AVEN: variants seen among roughly 807,000 people sequenced by gnomAD.
AVEN encodes cell death regulator Aven.
A neutral mutation model predicts 38.1 loss-of-function variants in AVEN; 41 were observed. The observed-to-expected ratio is 1.08, with a 90% confidence interval of 0.84 to 1.40. The LOEUF is 1.40. Ranked by LOEUF, AVEN falls within the 40% of genes most tolerant of loss-of-function variation. The pLI, the probability that AVEN is intolerant of heterozygous loss-of-function variation, is 0.00. For missense variants in AVEN, 605 were observed against 438.8 expected, an observed-to-expected ratio of 1.38 and a Z score of -3.38; for synonymous variants, 206 against 171.8, an observed-to-expected ratio of 1.20 and a Z score of -1.56.
intron 1 of AVEN, among the ~76,000 whole-genome samples, chr15:34,029,041 C>T (rs1380899209): frequency 6.6e-6 from 1 of 152,104 alleles, no homozygotes; most frequent in Admixed American, 6.6e-5. Flanking sequence ...AACTCTTCAC[C>T]TCTAATCCTC....
chr15:34,058,696 C>T (rs1047706685), intron 5 of AVEN, among the ~76,000 whole-genome samples: 1 of 152,100 alleles, frequency 6.6e-6, no homozygotes, highest in Non-Finnish European at 1.5e-5. Flanking sequence ...TTCAGGCCTT[C>T]TCTGCCTATA....
chr15:33,872,321 G>C (rs977339412), intron 3 of AVEN, among the ~76,000 whole-genome samples: 1 of 152,100 alleles, frequency 6.6e-6, no homozygotes, highest in African/African-American at 2.4e-5. Context: ...CTGTATAAAG[G>C]CACACTCTTT....
At chr15:33,975,852 C>A (rs1167484679) in intron 2 of AVEN, among the ~76,000 whole-genome samples, 1 of 152,192 alleles carries the variant, frequency 6.6e-6, no homozygotes, top group Non-Finnish European at 1.5e-5. Flanking sequence ...ATCCCTTGAA[C>A]CCGGGCAGCG....
chr15:33,941,420 A>G (rs1334126975), intron 2 of AVEN, among the ~76,000 whole-genome samples: 1 of 152,152 alleles, frequency 6.6e-6, no homozygotes, highest in African/African-American at 2.4e-5. Flanking sequence ...TTTCCTCCTG[A>G]CACACGCAAC....
intron 2 of AVEN, among the ~76,000 whole-genome samples, chr15:33,998,848 G>A (rs1206185455): frequency 2.0e-5 from 3 of 152,138 alleles, no homozygotes; most frequent in Non-Finnish European, 4.4e-5. Context: ...ACACTGTGGT[G>A]CCTGGGAATC....
chr15:33,865,271 A>ATGAAATAAAGTCCCCTTT, downstream of AVEN: 1 of 1,416,694 alleles, frequency 7.1e-7, no homozygotes, highest in Non-Finnish European at 9.9e-7. Flanking sequence ...TCAACTTCCC[A>ATGAAATAAAGTCCCCTTT]TGAAATAAAG....
chr15:33,901,110 C>T (rs926202047), intron 2 of AVEN, among the ~76,000 whole-genome samples: 1 of 152,112 alleles, frequency 6.6e-6, no homozygotes, highest in African/African-American at 2.4e-5. Context: ...ACTAAAAATA[C>T]AAAAAACTTG....
chr15:34,044,453 T>C (rs557947897), intron 5 of AVEN, among the ~76,000 whole-genome samples: 1 of 152,218 alleles, frequency 6.6e-6, no homozygotes, highest in Non-Finnish European at 1.5e-5. Flanking sequence ...TAAAGATATA[T>C]ATAATCCTTG....
At chr15:34,042,398 T>G (rs1380375763), upstream of AVEN, among the ~76,000 whole-genome samples, 4 of 136,978 alleles carry the variant, frequency 2.9e-5, no homozygotes, top group Non-Finnish European at 4.5e-5. Context: ...TGACCTAAGT[T>G]TTTTTTTTTT....
At chr15:34,008,948 G>A (rs954106258) in intron 1 of AVEN, among the ~76,000 whole-genome samples, 11 of 17,926 alleles carry the variant, frequency 6.1e-4, no homozygotes, top group Admixed American at 3.4e-3. Flanking sequence ...TCACACGTGC[G>A]CGCGCGCACA....
intron 5 of AVEN, among the ~76,000 whole-genome samples, chr15:34,059,910 A>C (rs1490613128): frequency 6.6e-6 from 1 of 152,252 alleles, no homozygotes; most frequent in Non-Finnish European, 1.5e-5. Flanking sequence ...CAGAGACATT[A>C]GCCTATTCCA....
intron 2 of AVEN, among the ~76,000 whole-genome samples, chr15:33,892,405 A>G (rs906744273): frequency 1.1e-4 from 16 of 152,306 alleles, no homozygotes; most frequent in Non-Finnish European, 1.6e-4. Context: ...ATTTCTGTAT[A>G]AAGTGTAAGG....
At chr15:34,006,332 G>C (rs1016285238) in intron 1 of AVEN, among the ~76,000 whole-genome samples, 3 of 150,688 alleles carry the variant, frequency 2.0e-5, no homozygotes, top group African/African-American at 4.9e-5. Context: ...AAACAGCCTT[G>C]TAACTGATGA....
At chr15:33,927,543 CTGAT>C (rs1016248090) in intron 2 of AVEN, among the ~76,000 whole-genome samples, 1 of 152,088 alleles carries the variant, frequency 6.6e-6, no homozygotes, top group Non-Finnish European at 1.5e-5. Context: ...AAGATACAGA[CTGAT>C]TGGAGGTAAT....
At chr15:34,004,030 G>A (rs1897236920) in intron 1 of AVEN, among the ~76,000 whole-genome samples, 1 of 152,164 alleles carries the variant, frequency 6.6e-6, no homozygotes, top group South Asian at 2.1e-4. Context: ...TACTCTCTTA[G>A]CACTCTCCAG....
At chr15:33,887,480 CCTTT>C (rs1298711582) in intron 2 of AVEN, among the ~76,000 whole-genome samples, 1 of 152,114 alleles carries the variant, frequency 6.6e-6, no homozygotes, top group Non-Finnish European at 1.5e-5. Flanking sequence ...TTGTTTACTA[CCTTT>C]CTAGGGGAAA....
intron 1 of AVEN, among the ~76,000 whole-genome samples, chr15:34,023,212 C>T (rs1244860935): frequency 6.6e-6 from 1 of 152,020 alleles, no homozygotes; most frequent in Non-Finnish European, 1.5e-5. Context: ...CAATGAGAAA[C>T]TTACCCCTCT....
At chr15:34,054,317 C>A (rs554910996) in intron 5 of AVEN, among the ~76,000 whole-genome samples, 1 of 152,154 alleles carries the variant, frequency 6.6e-6, no homozygotes, top group Non-Finnish European at 1.5e-5. Flanking sequence ...ACCTAGTAAT[C>A]TCATTACTGA....
At chr15:33,900,978 T>G (rs1000769601) in intron 2 of AVEN, among the ~76,000 whole-genome samples, 1 of 152,136 alleles carries the variant, frequency 6.6e-6, no homozygotes, top group Non-Finnish European at 1.5e-5. Flanking sequence ...AGATTCTACC[T>G]TACACTGGCC....
Sources: gnomAD v4.1 joint callset for allele counts (sites outside exome capture counted in the v4.1 genomes callset) on GRCh38, gnomAD v4.1.1 for gene constraint, MANE v1.5 for transcripts, NCBI Gene and HGNC (gene_info 2026-07-23, HGNC 2026-07-21) for gene names.